RELCH: variants seen among roughly 807,000 people sequenced by gnomAD.
RELCH encodes the protein RAB11 binding and LisH domain, coiled-coil and HEAT repeat containing, also known as RAB11-binding protein RELCH.
In RELCH, 41 loss-of-function variants were observed where a neutral mutation model predicts 150.3. That is an observed-to-expected ratio of 0.27 (90% CI 0.21 to 0.35). The LOEUF is 0.35. RELCH is among the 10% of genes least tolerant of loss of function. RELCH has a pLI of 1.00. For missense variants in RELCH, 1,092 were observed against 1,467.8 expected, an observed-to-expected ratio of 0.74 and a Z score of 4.18; for synonymous variants, 478 against 531.8, an observed-to-expected ratio of 0.90 and a Z score of 1.39.
At chr18:62,284,151 T>C (rs1357126467) in intron 25 of RELCH, 1 of 152,230 alleles carries the variant, frequency 6.6e-6, no homozygotes, top group Admixed American at 6.5e-5. Flanking sequence ...TAGTTATTTT[T>C]CAAATTAAAC....
At chr18:62,294,422 G>A (rs1454568273) in intron 27 of RELCH, among the ~76,000 whole-genome samples, 3 of 152,070 alleles carry the variant, frequency 2.0e-5, no homozygotes, top group Non-Finnish European at 2.9e-5. Flanking sequence ...TTTCTGATTT[G>A]CATTTCTCTA....
chr18:62,191,531 G>GT (rs2038636038), intron 1 of RELCH, among the ~76,000 whole-genome samples: 2 of 151,986 alleles, frequency 1.3e-5, no homozygotes, highest in South Asian at 4.1e-4. Flanking sequence ...CATCACCTAG[G>GT]TATTATGCCC....
Position 62,221,087 on chromosome 18 carries a change from G to A in RELCH, c.667G>A (p.Ala223Thr). Residue 223 changes from alanine (A) to threonine (T), a missense_variant, in exon 3 of 29, where the codon GCC (alanine) becomes ACC (threonine). Ala to Thr is a moderately conservative substitution (Grantham distance 58). Coordinates refer to ENST00000644646, the MANE Select transcript of RELCH (RefSeq NM_001346231.2). ...KAKETIQALR[A>T]NLTKAAEHEV... ...CAAGGAGACCATTCAGGCCCTCCGA[G>A]CCAACCTGACAAAGGCCGCAGGTGG... 6.2e-7 allele frequency: 1 copy of A among 1,613,434 alleles called. No homozygotes were observed. The highest frequency in any genetic ancestry group is 2.2e-5 in the East Asian group (1 of 44,870).
chr18:62,292,687 A>G (rs1244549638), intron 27 of RELCH, among the ~76,000 whole-genome samples: 2 of 152,228 alleles, frequency 1.3e-5, no homozygotes, highest in Non-Finnish European at 2.9e-5. Context: ...GGCTAATGCC[A>G]TACTGCTTTC....
chr18:62,189,906 C>T (rs996044396), intron 1 of RELCH, among the ~76,000 whole-genome samples: 2 of 152,014 alleles, frequency 1.3e-5, no homozygotes, highest in African/African-American at 4.8e-5. Flanking sequence ...TTCTATTATC[C>T]TCATTTATTT....
chr18:62,237,594 T>G, intron 10 of RELCH, among the ~76,000 whole-genome samples: 1 of 151,798 alleles, frequency 6.6e-6, no homozygotes, highest in Non-Finnish European at 1.5e-5. Context: ...GTTTTCAAAC[T>G]TTGACTACAC....
rs147066064 is a variant in RELCH at position 62,210,226 on chromosome 18, C to A, written c.527-927C>A. Among the ~76,000 whole-genome samples the A allele has an allele frequency of 3.4e-4, 52 of 152,212 alleles. No homozygotes were observed. In the East Asian group the frequency reaches 7.3e-3, roughly 21 times the overall value. Reference sequence around the variant, plus strand: ...TTTTTCGCTATTTGATTAATAGGTGCCTAAGTTTCTCTTCTCTTTACTTAC... The same window carrying A: ...TTTTTCGCTATTTGATTAATAGGTGACTAAGTTTCTCTTCTCTTTACTTAC... On this transcript the variant is annotated intron_variant, in intron 1 of 28. Coordinates refer to ENST00000644646, the MANE Select transcript of RELCH (RefSeq NM_001346231.2).
intron 15 of RELCH, among the ~76,000 whole-genome samples, chr18:62,260,375 CAAA>C (rs201786752): frequency 2.0e-5 from 2 of 101,024 alleles, no homozygotes. Flanking sequence ...ATTAAAAAGA[CAAA>C]AAAAAAAAAA....
intron 2 of RELCH, among the ~76,000 whole-genome samples, chr18:62,215,560 T>TTAAG (rs1414012021): frequency 1.3e-5 from 2 of 152,228 alleles, no homozygotes; most frequent in Non-Finnish European, 2.9e-5. Flanking sequence ...CAAATGTTTA[T>TTAAG]TAAGTACCTA....
intron 10 of RELCH, among the ~76,000 whole-genome samples, chr18:62,238,941 C>A (rs891806847): frequency 6.6e-6 from 1 of 152,124 alleles, no homozygotes; most frequent in Non-Finnish European, 1.5e-5. Flanking sequence ...GGTACCTCTA[C>A]AGACCTCCCG....
At chr18:62,268,822 C>A in intron 19 of RELCH, 47 bp from the exon 20 acceptor site, 1 of 977,590 alleles carries the variant, frequency 1.0e-6, no homozygotes, top group Non-Finnish European at 1.5e-6. Flanking sequence ...TTTTTCTTTA[C>A]ACTTAAAATA....
rs1443174428 is a variant in RELCH, at chr18:62,258,569, A to G, written c.2095A>G (p.Thr699Ala). Residue 699 changes from threonine to alanine, a missense_variant, in exon 15 of 29, where the codon ACA becomes GCA. This residue lies in a region of RELCH where 707 missense variants were observed against 1,025.4 expected (regional missense o/e 0.69). Transcript: ENST00000644646. ...GDPSERVVSA[T>A]HQVFLPAYAA... ...TCCCTCAGAAAGAGTAGTTAGTGCT[A>G]CACATCAAGTATTTTTACCAGCTTA... The G allele has an allele frequency of 1.2e-6, 2 of 1,606,616 alleles. No homozygotes were observed. Among genetic ancestry groups the G allele is most frequent in the Non-Finnish European group, 1.7e-6 (2 of 1,177,476 alleles).
chr18:62,220,878 G>C, intron 2 of RELCH, 159 bp from the exon 3 acceptor site: 1 of 671,496 alleles, frequency 1.5e-6, no homozygotes. Context: ...AATCAACTCT[G>C]CTGCATGCGT....
intron 10 of RELCH, among the ~76,000 whole-genome samples, chr18:62,236,357 G>A (rs1005682695): frequency 7.2e-5 from 11 of 151,822 alleles, no homozygotes; most frequent in African/African-American, 1.2e-4. Context: ...TGGATCTGTC[G>A]TTAGTATTTT....
intron 27 of RELCH, among the ~76,000 whole-genome samples, chr18:62,298,098 C>CCG (rs375104741): frequency 6.6e-6 from 1 of 151,338 alleles, no homozygotes. Context: ...CTTTATCCCC[C>CCG]CCCGTCTAAA....
intron 22 of RELCH, among the ~76,000 whole-genome samples, chr18:62,279,050 G>A (rs566513738): frequency 6.6e-6 from 1 of 152,178 alleles, no homozygotes; most frequent in South Asian, 2.1e-4. Context: ...CAAATTCATA[G>A]CACAACAGCC....
chr18:62,286,425 G>A (rs1412810623), intron 25 of RELCH, among the ~76,000 whole-genome samples: 2 of 152,246 alleles, frequency 1.3e-5, no homozygotes, highest in Admixed American at 6.5e-5. Context: ...AGCTAAGCAT[G>A]AAAGTTGTGA....
intron 11 of RELCH, among the ~76,000 whole-genome samples, chr18:62,245,336 AGTTTCGGC>A (rs1174025682): frequency 6.6e-6 from 1 of 152,188 alleles, no homozygotes; most frequent in African/African-American, 2.4e-5. Flanking sequence ...CAAAATGTTC[AGTTTCGGC>A]CAGGCGCCAT....
At chr18:62,253,932 TTTTTC>T (rs1419442080) in intron 12 of RELCH, among the ~76,000 whole-genome samples, 3 of 152,152 alleles carry the variant, frequency 2.0e-5, no homozygotes, top group South Asian at 2.1e-4. Flanking sequence ...TTCTTTTGTC[TTTTTC>T]TTTTCAAGTG....
Sources: allele counts gnomAD v4.1 joint callset (sites outside exome capture counted in the v4.1 genomes callset), GRCh38; gene constraint gnomAD v4.1.1; regional missense constraint gnomAD v4.1.1; transcripts MANE v1.5; gene names NCBI Gene and HGNC (gene_info 2026-07-23, HGNC 2026-07-21).